Variants in CLEC6A observed in about 807,000 individuals in gnomAD.
CLEC6A encodes the protein C-type lectin domain family 6 member A.
CLEC6A carries 22 observed loss-of-function variants against 25.7 expected under a neutral mutation model. That is an observed-to-expected ratio of 0.85 (90% CI 0.61 to 1.22). CLEC6A has a LOEUF of 1.22. Among genes scored for constraint, CLEC6A ranks in the 50% most tolerant of loss-of-function variants. CLEC6A has a pLI of 0.00. For missense variants in CLEC6A, 240 were observed against 236.8 expected (o/e 1.01, Z -0.09); for synonymous variants, 92 against 76.7 (o/e 1.20, Z -1.04).
chr12:8,465,843 A>G (rs183625384), intron 4 of CLEC6A, among the ~76,000 whole-genome samples: 2 of 152,332 alleles, frequency 1.3e-5, no homozygotes, highest in East Asian at 3.9e-4. Flanking sequence ...AGCCCTGGCA[A>G]TCACTCCTCT....
At chr12:8,470,203 T>C (rs182768781) in intron 4 of CLEC6A, among the ~76,000 whole-genome samples, 1 of 152,208 alleles carries the variant, frequency 6.6e-6, no homozygotes, top group African/African-American at 2.4e-5. Context: ...TCACTAATGA[T>C]CAGGGAAATG....
intron 3 of CLEC6A, among the ~76,000 whole-genome samples, chr12:8,459,936 T>G (rs751043580): frequency 6.6e-6 from 1 of 152,342 alleles, no homozygotes; most frequent in African/African-American, 2.4e-5. Flanking sequence ...CCTACATGCA[T>G]GTAATTTGCT....
chr12:8,476,949 A>G (rs568524750), intron 5 of CLEC6A, among the ~76,000 whole-genome samples: 46 of 152,230 alleles, frequency 3.0e-4, no homozygotes, highest in African/African-American at 1.0e-3. Context: ...ATCCATGAGA[A>G]TAAAGAAGCT....
Position 8,464,623 on chromosome 12 carries a change from C to A in CLEC6A, c.224-861C>A, listed in dbSNP as rs142518109. 7.9e-3 allele frequency among the ~76,000 whole-genome samples: 1,202 copies of A among 152,256 alleles called. 23 individuals are homozygous for A. The highest frequency in any genetic ancestry group is 0.028 in the African/African-American group (1,166 of 41,548). On this transcript the variant is annotated intron_variant, in intron 3 of 5. Coordinates refer to ENST00000382073, the MANE Select transcript of CLEC6A (RefSeq NM_001007033.2). Reference sequence around the variant, plus strand: ...CTGGGATTACAGGCATGAGCCACTGCGCCTGGCCTAAAATTTCATAACAAA... The same window carrying A: ...CTGGGATTACAGGCATGAGCCACTGAGCCTGGCCTAAAATTTCATAACAAA...
Position 8,460,855 on chromosome 12 carries a change from A to G in CLEC6A, c.223+1157A>G, listed in dbSNP as rs1052789122. On this transcript the variant is annotated intron_variant, in intron 3 of 5. Transcript: ENST00000382073. ...AAAACGCCCAGTTCCTAAGGGTACAACTTACCGCAAGCCTGTCTATCACGG... is the reference window on the plus strand; with the variant it reads ...AAAACGCCCAGTTCCTAAGGGTACAGCTTACCGCAAGCCTGTCTATCACGG... 3.1e-5 allele frequency: 28 copies of G among 909,142 alleles called. No homozygotes were observed. The African/African-American group carries it at 3.6e-4, about 12-fold the overall frequency. The allele number at this position is 909,142 out of a possible 1,614,324, so 56.3% of individuals were successfully genotyped here.
intron 4 of CLEC6A, among the ~76,000 whole-genome samples, chr12:8,475,330 A>C (rs75801195): frequency 0.064 from 5,480 of 86,188 alleles, 168 homozygotes; most frequent in African/African-American, 0.13. Flanking sequence ...CTCTCTCTAT[A>C]TATATATATA....
In CLEC6A at chr12:8,457,940, G is replaced by A; in HGVS notation, c.74G>A (p.Gly25Glu). Residue 25 changes from glycine (G) to glutamate (E), a missense_variant, in exon 2 of 6, where the codon GGG becomes GAG. Coordinates refer to ENST00000382073, the MANE Select transcript of CLEC6A (RefSeq NM_001007033.2). ...TCCCTGAGACTCTGGTCTGTGGCTG[G>A]GATTTCCATTGCACTCCTCAGTGCT... ...WLSLRLWSVAGISIALLSACF... is the reference protein window; with the variant it reads ...WLSLRLWSVAEISIALLSACF... 1 of 1,614,050 alleles carries A rather than the reference G, an allele frequency of 6.2e-7. No homozygotes were observed. The highest frequency in any genetic ancestry group is 1.1e-5 in the South Asian group (1 of 91,084).
chr12:8,471,571 T>G (rs1480451005), intron 4 of CLEC6A, among the ~76,000 whole-genome samples: 1 of 152,110 alleles, frequency 6.6e-6, no homozygotes, highest in East Asian at 1.9e-4. Context: ...TGGCATATAA[T>G]TGTTCTCAGT....
At position 8,476,260 on chromosome 12, in the gene CLEC6A, C is replaced by T. The variant is rs769612718; in HGVS notation, c.485+20C>T. On this transcript the variant is annotated intron_variant, in intron 5 of 5. Coordinates refer to ENST00000382073, the MANE Select transcript of CLEC6A (RefSeq NM_001007033.2). The stretch of plus-strand genomic sequence containing the variant: ...TGTCAGGTGAGTGCAGTTCTGGGGC[C>T]TTGTTTACATAGAAAATCTAGGGAA... 1.4e-6 allele frequency: 2 copies of T among 1,379,628 alleles called. No individual in the cohort carries two copies. Among genetic ancestry groups the T allele is most frequent in the African/African-American group, 1.4e-5 (1 of 69,452 alleles). 85.5% of individuals were successfully genotyped at this position (1,379,628 alleles called of 1,614,324 possible). A position where few individuals can be genotyped will look rare whatever the true frequency, so the allele number is the denominator to read the frequency against.
chr12:8,463,791 G>T (rs1055989691), intron 3 of CLEC6A, among the ~76,000 whole-genome samples: 1 of 152,180 alleles, frequency 6.6e-6, no homozygotes, highest in Non-Finnish European at 1.5e-5. Context: ...CACTTGCAAA[G>T]TAACGTGATC....
chr12:8,457,871 G>C, intron 1 of CLEC6A, 27 bp from the exon 2 acceptor site: 1 of 1,576,880 alleles, frequency 6.3e-7, no homozygotes, highest in Non-Finnish European at 8.7e-7. Flanking sequence ...CCTGGTAACT[G>C]CATTTGTTGT....
Position 8,476,126 on chromosome 12 carries a change from A to C in CLEC6A, c.371A>C (p.Asn124Thr). Residue 124 changes from asparagine (N) to threonine (T), a missense_variant and splice_region_variant, in exon 5 of 6, where the codon AAT becomes ACT. Physicochemically the swap from Asn to Thr is moderately conservative, Grantham distance 65. Coordinates refer to ENST00000382073, the MANE Select transcript of CLEC6A (RefSeq NM_001007033.2). The stretch of plus-strand genomic sequence containing the variant: ...ACTCCTTTTTTTTCCTTCATGCAGA[A>C]TTTCATTGTCCAGCAGCTGAATGAG... The part of the protein sequence containing the change: ...LVVFNTEAEQ[N>T]FIVQQLNESF... The C allele has an allele frequency of 6.3e-7, 1 of 1,599,970 alleles. No homozygotes were observed. Among genetic ancestry groups the C allele is most frequent in the Non-Finnish European group, 8.5e-7 (1 of 1,171,258 alleles).
chr12:8,474,107 T>C (rs1268887324), intron 4 of CLEC6A, among the ~76,000 whole-genome samples: 1 of 152,208 alleles, frequency 6.6e-6, no homozygotes. Context: ...TTGTTTTCAT[T>C]GCAAATGCTT....
intron 2 of CLEC6A, among the ~76,000 whole-genome samples, chr12:8,459,223 A>G (rs931737740): frequency 1.3e-5 from 2 of 151,966 alleles, no homozygotes; most frequent in Non-Finnish European, 2.9e-5. Context: ...CTTTTTTTAT[A>G]ATAAAATATT....
intron 4 of CLEC6A, among the ~76,000 whole-genome samples, chr12:8,475,077 C>T (rs891496840): frequency 2.6e-5 from 4 of 152,060 alleles, no homozygotes; most frequent in Non-Finnish European, 4.4e-5. Flanking sequence ...GTTCCCCGCC[C>T]TGTGTCTAAG....
Position 8,478,115 on chromosome 12 carries a change from C to T in CLEC6A, c.*651C>T, listed in dbSNP as rs1370360053. ...TTCTGAGAAATATGTGTTAAGATCT[C>T]TCGCTGATTGGGAATTTGTCTATTT... is the stretch of plus-strand genomic sequence containing the variant. On this transcript the variant is annotated 3_prime_UTR_variant, in exon 6 of 6. Coordinates refer to ENST00000382073, the MANE Select transcript of CLEC6A (RefSeq NM_001007033.2). 2.0e-5 allele frequency: 3 copies of T among 151,940 alleles called. No homozygotes were observed. Among genetic ancestry groups the T allele is most frequent in the Admixed American group, 6.6e-5 (1 of 15,244 alleles). 9.4% of individuals were successfully genotyped at this position (151,940 alleles called of 1,614,324 possible). A position where few individuals can be genotyped will look rare whatever the true frequency, so the allele number is the denominator to read the frequency against.
In CLEC6A at chr12:8,478,187, G is replaced by C. The variant is rs1210764162; in HGVS notation, c.*723G>C. On this transcript the variant is annotated 3_prime_UTR_variant, in exon 6 of 6. Transcript: ENST00000382073. ...CTTTCTTTGCTTGCAAGCATTTCTT[G>C]TTACCCAAATCTAATCTATTCCTGA... 1 of 151,804 alleles carries C rather than the reference G, an allele frequency of 6.6e-6. No individual in the cohort carries two copies. The highest frequency in any genetic ancestry group is 1.5e-5 in the Non-Finnish European group (1 of 67,824). The allele number at this position is 151,804 out of a possible 1,614,324, so 9.4% of individuals were successfully genotyped here. A position where few individuals can be genotyped will look rare whatever the true frequency, so the allele number is the denominator to read the frequency against.
Position 8,473,257 on chromosome 12 carries a change from G to GTATCTATTTT in CLEC6A, c.370-2867_370-2866insATCTATTTTT, listed in dbSNP as rs1939929129. On this transcript the variant is annotated intron_variant, in intron 4 of 5. Coordinates refer to ENST00000382073, the MANE Select transcript of CLEC6A (RefSeq NM_001007033.2). ...GATCCGCCCGTCTCGGCCTCCCAAA[G>GTATCTATTTT]TGCTGGGATTACAGGCGTGAGCCAC... Among the ~76,000 whole-genome samples the GTATCTATTTT allele has an allele frequency of 2.4e-4, 2 of 8,228 alleles. 1 individual carries two copies. The highest frequency in any genetic ancestry group is 8.1e-4 in the Non-Finnish European group (2 of 2,462). 5.4% of individuals were successfully genotyped at this position (8,228 alleles called of 152,430 possible).
intron 4 of CLEC6A, among the ~76,000 whole-genome samples, chr12:8,474,478 T>C (rs1939944862): frequency 6.6e-6 from 1 of 152,242 alleles, no homozygotes; most frequent in South Asian, 2.1e-4. Flanking sequence ...TGTAGCCTTA[T>C]AGTATAGTTT....
Sources: gnomAD v4.1 joint callset for allele counts (sites outside exome capture counted in the v4.1 genomes callset) on GRCh38, gnomAD v4.1.1 for gene constraint, MANE v1.5 for transcripts, NCBI Gene and HGNC (gene_info 2026-07-23, HGNC 2026-07-21) for gene names.